Variants in CERS6 observed in about 807,000 individuals in gnomAD.
CERS6 encodes LAG1 homolog, ceramide synthase 6.
A neutral mutation model predicts 56.8 loss-of-function variants in CERS6; 26 were observed. The observed-to-expected ratio is 0.46, with a 90% confidence interval of 0.34 to 0.63. The LOEUF is 0.63. CERS6 is among the 30% of genes least tolerant of loss of function. CERS6 has a pLI of 0.01. For synonymous variants in CERS6, 164 were observed against 173.3 expected (o/e 0.95, Z 0.42); for missense variants, 415 against 467.5 (o/e 0.89, Z 1.04).
intron 1 of CERS6, among the ~76,000 whole-genome samples, chr2:168,532,497 G>A (rs1275665279): frequency 6.6e-6 from 1 of 151,656 alleles, no homozygotes; most frequent in South Asian, 2.1e-4. Flanking sequence ...ATCTGTACAG[G>A]TACTAAAAAT....
At chr2:168,630,459 A>G (rs1412568267) in intron 3 of CERS6, among the ~76,000 whole-genome samples, 1 of 152,194 alleles carries the variant, frequency 6.6e-6, no homozygotes, top group Non-Finnish European at 1.5e-5. Flanking sequence ...TAAAATTGTC[A>G]TTTATAGTTG....
Position 168,456,802 on chromosome 2 carries a change from C to T in CERS6, c.170+184C>T, listed in dbSNP as rs541611397. On this transcript the variant is annotated intron_variant, in intron 1 of 9. Transcript: ENST00000305747. The surrounding 1 kb of genome is among the most constrained non-coding windows in gnomAD (Gnocchi z 4.1). Reference sequence around the variant, plus strand: ...TGGCTTTCTGGGAGCCAGAAAGGGTCTGGCTTGCCACGGATTTCCTCCCGG... The same window carrying T: ...TGGCTTTCTGGGAGCCAGAAAGGGTTTGGCTTGCCACGGATTTCCTCCCGG... Among the ~76,000 whole-genome samples, 216 of 152,302 alleles carry T rather than the reference C, an allele frequency of 1.4e-3. 1 individual carries two copies. Among genetic ancestry groups the T allele is most frequent in the African/African-American group, 5.0e-3 (208 of 41,576 alleles).
At chr2:168,660,954 T>C (rs1397965497) in intron 4 of CERS6, among the ~76,000 whole-genome samples, 1 of 151,840 alleles carries the variant, frequency 6.6e-6, no homozygotes, top group Non-Finnish European at 1.5e-5. Context: ...AAATGCCTCC[T>C]GGTTTTAATG....
chr2:168,526,031 C>T (rs1695065506), intron 1 of CERS6, among the ~76,000 whole-genome samples: 1 of 151,918 alleles, frequency 6.6e-6, no homozygotes, highest in South Asian at 2.1e-4. Flanking sequence ...CTAATGATGC[C>T]CCTAGGGTTG....
chr2:168,693,126 A>G (rs1686547950), intron 5 of CERS6, among the ~76,000 whole-genome samples: 1 of 152,182 alleles, frequency 6.6e-6, no homozygotes. Flanking sequence ...ACAGCTTGGT[A>G]TAAGAAGCAC....
intron 4 of CERS6, among the ~76,000 whole-genome samples, chr2:168,659,366 A>G (rs1260626171): frequency 1.3e-5 from 2 of 152,220 alleles, no homozygotes; most frequent in East Asian, 3.8e-4. Context: ...TCCTACCCCT[A>G]GATTTTTCTC....
chr2:168,462,510 G>A (rs1439531575), intron 1 of CERS6, among the ~76,000 whole-genome samples: 7 of 151,944 alleles, frequency 4.6e-5, no homozygotes, highest in Non-Finnish European at 1.0e-4. Context: ...CATCTATACT[G>A]TAGCATGATT....
chr2:168,473,975 T>C (rs1471325717), intron 1 of CERS6, among the ~76,000 whole-genome samples: 2 of 152,146 alleles, frequency 1.3e-5, no homozygotes, highest in African/African-American at 2.4e-5. Flanking sequence ...GGAGGACTGT[T>C]TGAGGCTAGG....
chr2:168,700,594 G>T (rs763794339), intron 6 of CERS6, among the ~76,000 whole-genome samples: 1 of 152,032 alleles, frequency 6.6e-6, no homozygotes, highest in Admixed American at 6.6e-5. Flanking sequence ...TTGTCATTTT[G>T]TCCTAGACTG....
chr2:168,536,623 A>G (rs1695269140), intron 1 of CERS6, among the ~76,000 whole-genome samples: 1 of 152,284 alleles, frequency 6.6e-6, no homozygotes, highest in Non-Finnish European at 1.5e-5. Flanking sequence ...ATTAAATACC[A>G]TGCCCTACCA....
At chr2:168,636,519 G>A (rs1407985941) in intron 4 of CERS6, among the ~76,000 whole-genome samples, 1 of 152,072 alleles carries the variant, frequency 6.6e-6, no homozygotes, top group Non-Finnish European at 1.5e-5. Flanking sequence ...GGAAAAGAGA[G>A]GTGGTCTCTG....
chr2:168,682,026 T>C (rs1187740737), intron 4 of CERS6, among the ~76,000 whole-genome samples: 3 of 152,210 alleles, frequency 2.0e-5, no homozygotes, highest in Non-Finnish European at 4.4e-5. Flanking sequence ...TTTTAAAATC[T>C]ATTCATCTGT....
intron 3 of CERS6, among the ~76,000 whole-genome samples, chr2:168,572,697 C>G (rs1417743531): frequency 1.3e-5 from 2 of 152,124 alleles, no homozygotes; most frequent in Non-Finnish European, 2.9e-5. Context: ...AAATTTGTTG[C>G]TTTCTCCTTG....
chr2:168,460,341 CAT>C (rs1693757105), intron 1 of CERS6, among the ~76,000 whole-genome samples: 1 of 152,008 alleles, frequency 6.6e-6, no homozygotes, highest in African/African-American at 2.4e-5. Context: ...ACCACAGGTG[CAT>C]GCTACCAGGC....
At chr2:168,766,354 C>G (rs183524498) in intron 9 of CERS6, 1 of 1,597,392 alleles carries the variant, frequency 6.3e-7, no homozygotes, top group Non-Finnish European at 8.5e-7. Context: ...ATGTAAGTTT[C>G]TCCTCCTCTC....
rs1245422264 is a variant in CERS6 at position 168,773,154 on chromosome 2, A to G, written c.*3492A>G. The G allele has an allele frequency of 9.9e-5, 15 of 152,180 alleles. 1 individual carries two copies. The highest frequency in any genetic ancestry group is 9.2e-4 in the Admixed American group (14 of 15,284). 9.4% of individuals were successfully genotyped at this position (152,180 alleles called of 1,614,324 possible). On this transcript the variant is annotated 3_prime_UTR_variant, in exon 10 of 10. Transcript: ENST00000305747. ...TTATAGACACCCACAATTGTCCCCA[A>G]TCTCTTCATGATGTTGCATTAATAG...
In CERS6 at chr2:168,771,149, G is replaced by A. The variant is rs1266265470; in HGVS notation, c.*1487G>A. On this transcript the variant is annotated 3_prime_UTR_variant, in exon 10 of 10. Coordinates refer to ENST00000305747, the MANE Select transcript of CERS6 (RefSeq NM_203463.3). ...TGCCATAATATAAATGTGTGAATCA[G>A]GGCTGTGAAGACAACAGCAGAAATG... 2.6e-5 allele frequency: 4 copies of A among 152,122 alleles called. No individual in the cohort carries two copies. The highest frequency in any genetic ancestry group is 6.5e-5 in the Admixed American group (1 of 15,282). The allele number at this position is 152,122 out of a possible 1,614,324, so 9.4% of individuals were successfully genotyped here.
intron 1 of CERS6, among the ~76,000 whole-genome samples, chr2:168,512,594 A>G (rs1164682530): frequency 1.3e-5 from 2 of 151,642 alleles, no homozygotes; most frequent in African/African-American, 2.4e-5. Flanking sequence ...TTGCTCATCT[A>G]TCATGGATGC....
chr2:168,688,612 A>G (rs980615280), intron 4 of CERS6, among the ~76,000 whole-genome samples: 2 of 152,150 alleles, frequency 1.3e-5, no homozygotes, highest in African/African-American at 2.4e-5. Context: ...AGAAAAATGT[A>G]CTGTGCATAT....
Sources: gnomAD v4.1 joint callset for allele counts (sites outside exome capture counted in the v4.1 genomes callset) on GRCh38, gnomAD v4.1.1 for gene constraint, Gnocchi (gnomAD v3.1) non-coding constraint, MANE v1.5 for transcripts, NCBI Gene and HGNC (gene_info 2026-07-23, HGNC 2026-07-21) for gene names.